The following EXT1 variants were observed in gnomAD, a reference collection of about 807,000 sequenced individuals.
EXT1 encodes the protein exostosin-1.
EXT1 carries 20 observed loss-of-function variants against 82.5 expected under a neutral mutation model. The observed-to-expected ratio is 0.24, with a 90% confidence interval of 0.17 to 0.35. The LOEUF is 0.35. EXT1 is among the 10% of genes least tolerant of loss of function. The pLI is 1.00. For missense variants in EXT1, 757 were observed against 936.5 expected (o/e 0.81, Z 2.50); for synonymous variants, 348 against 350.8 (o/e 0.99, Z 0.09).
chr8:118,083,606 G>A (rs1016036626), intron 1 of EXT1, among the ~76,000 whole-genome samples: 1 of 152,056 alleles, frequency 6.6e-6, no homozygotes, highest in South Asian at 2.1e-4. Context: ...CTCCTAAGAC[G>A]CCACACCCTT....
At chr8:117,843,284 C>T (rs544753762) in intron 1 of EXT1, among the ~76,000 whole-genome samples, 1 of 152,182 alleles carries the variant, frequency 6.6e-6, no homozygotes, top group Admixed American at 6.5e-5. Context: ...GCTCACTGTC[C>T]AGAATAAACA....
intron 1 of EXT1, among the ~76,000 whole-genome samples, chr8:117,873,781 G>C (rs1224160401): frequency 6.6e-6 from 1 of 152,112 alleles, no homozygotes; most frequent in East Asian, 1.9e-4. Context: ...GAGTTAAAGT[G>C]ACATCTAAAG....
chr8:117,996,644 G>A (rs1242398934), intron 1 of EXT1, among the ~76,000 whole-genome samples: 1 of 152,202 alleles, frequency 6.6e-6, no homozygotes, highest in East Asian at 1.9e-4. Context: ...AAATTTTGGA[G>A]TAATTTGTAA....
At chr8:117,938,511 T>G (rs2129666291) in intron 1 of EXT1, among the ~76,000 whole-genome samples, 1 of 152,252 alleles carries the variant, frequency 6.6e-6, no homozygotes, top group South Asian at 2.1e-4. Context: ...AAATTCAGTT[T>G]CTTAGTCAAA....
Position 117,797,433 on chromosome 8 carries a change from G to A in EXT1, c.*2279C>T, listed in dbSNP as rs558684550. The A allele has an allele frequency of 8.5e-5, 13 of 152,262 alleles. No homozygotes were observed. In the East Asian group the frequency reaches 2.1e-3, roughly 25 times the overall value. 9.4% of individuals were successfully genotyped at this position (152,262 alleles called of 1,614,324 possible). ...TGTGAGCTTGGTGACAGGTCAATCTGGCAAAGCAGGTCCTTGAATCCACTT... is the reference window on the plus strand; with the variant it reads ...TGTGAGCTTGGTGACAGGTCAATCTAGCAAAGCAGGTCCTTGAATCCACTT... On this transcript the variant is annotated 3_prime_UTR_variant, in exon 11 of 11. Coordinates refer to ENST00000378204, the MANE Select transcript of EXT1 (RefSeq NM_000127.3).
At position 118,009,954 on chromosome 8, in the gene EXT1, T is replaced by C. The variant is rs186597665; in HGVS notation, c.962+100131A>G. 8.1e-4 allele frequency among the ~76,000 whole-genome samples: 123 copies of C among 152,222 alleles called. 1 individual carries two copies. The highest frequency in any genetic ancestry group is 2.9e-3 in the African/African-American group (120 of 41,528). Reference sequence around the variant, plus strand: ...AGGAGGTCTTCAACTGCTGAGGGAATTGGGTTCTAAGAAGTGGCTAAGAGC... The same window carrying C: ...AGGAGGTCTTCAACTGCTGAGGGAACTGGGTTCTAAGAAGTGGCTAAGAGC... On this transcript the variant is annotated intron_variant, in intron 1 of 10. Coordinates refer to ENST00000378204, the MANE Select transcript of EXT1 (RefSeq NM_000127.3).
At chr8:118,002,929 A>C (rs193296766) in intron 1 of EXT1, among the ~76,000 whole-genome samples, 1 of 152,114 alleles carries the variant, frequency 6.6e-6, no homozygotes, top group African/African-American at 2.4e-5. Context: ...ATATTTGCAC[A>C]CACATTTATA....
At chr8:117,864,950 G>GT (rs879886077) in intron 1 of EXT1, among the ~76,000 whole-genome samples, 137 of 151,244 alleles carry the variant, frequency 9.1e-4, no homozygotes, top group South Asian at 1.7e-3. Context: ...AGTAGAAGCT[G>GT]TTTTTTTTTA....
intron 1 of EXT1, among the ~76,000 whole-genome samples, chr8:118,034,857 C>A (rs1247793674): frequency 2.6e-5 from 4 of 152,182 alleles, no homozygotes; most frequent in Non-Finnish European, 5.9e-5. Flanking sequence ...CCTACTTGTA[C>A]ACAGAGGGTT....
At chr8:117,806,425 CT>C (rs1823237411) in intron 9 of EXT1, among the ~76,000 whole-genome samples, 1 of 152,182 alleles carries the variant, frequency 6.6e-6, no homozygotes, top group Admixed American at 6.5e-5. Flanking sequence ...ATGTCACACC[CT>C]GTTCAAACCC....
chr8:117,890,678 G>A (rs889744737), intron 1 of EXT1, among the ~76,000 whole-genome samples: 14 of 152,208 alleles, frequency 9.2e-5, no homozygotes, highest in African/African-American at 3.1e-4. Context: ...TCCCAGGTTC[G>A]GGTCTCTTGA....
chr8:117,885,620 AT>A (rs1346250156), intron 1 of EXT1, among the ~76,000 whole-genome samples: 1 of 152,126 alleles, frequency 6.6e-6, no homozygotes, highest in African/African-American at 2.4e-5. Context: ...AGGGGAAACT[AT>A]TTCTTGGCTT....
intron 1 of EXT1, among the ~76,000 whole-genome samples, chr8:117,992,994 T>C (rs889603328): frequency 1.3e-5 from 2 of 152,236 alleles, no homozygotes; most frequent in African/African-American, 4.8e-5. Context: ...AAACTCTTCC[T>C]TCCAACCAGA....
chr8:117,854,956 T>C (rs1812516735), intron 1 of EXT1, among the ~76,000 whole-genome samples: 1 of 152,238 alleles, frequency 6.6e-6, no homozygotes, highest in Non-Finnish European at 1.5e-5. Flanking sequence ...CAATGAGCAC[T>C]GAAAAGATTT....
chr8:117,809,411 C>T (rs1337213889), intron 8 of EXT1, among the ~76,000 whole-genome samples: 5 of 150,942 alleles, frequency 3.3e-5, no homozygotes, highest in African/African-American at 4.9e-5. Context: ...CTGAGGTGGG[C>T]GGATCACTTG....
chr8:117,864,959 T>TAAA (rs201292379), intron 1 of EXT1, among the ~76,000 whole-genome samples: 1 of 151,560 alleles, frequency 6.6e-6, no homozygotes, highest in African/African-American at 2.4e-5. Flanking sequence ...TGTTTTTTTT[T>TAAA]AAAAAAATAG....
chr8:118,032,086 A>G (rs1816332251), intron 1 of EXT1, among the ~76,000 whole-genome samples: 1 of 146,102 alleles, frequency 6.8e-6, no homozygotes, highest in South Asian at 2.3e-4. Context: ...CCAAGTCGTT[A>G]AGGTTGGTGC....
At chr8:117,948,253 T>C (rs1814425314) in intron 1 of EXT1, among the ~76,000 whole-genome samples, 1 of 139,750 alleles carries the variant, frequency 7.2e-6, no homozygotes, top group Non-Finnish European at 1.5e-5. Flanking sequence ...GCACCAAGTT[T>C]GGTTGGAAGT....
chr8:117,884,483 G>A (rs1813114084), intron 1 of EXT1, among the ~76,000 whole-genome samples: 1 of 152,146 alleles, frequency 6.6e-6, no homozygotes, highest in African/African-American at 2.4e-5. Flanking sequence ...TAGAAGGTGG[G>A]CAGTCGGCTT....
Sources: gnomAD v4.1 joint callset for allele counts (sites outside exome capture counted in the v4.1 genomes callset) on GRCh38, gnomAD v4.1.1 for gene constraint, MANE v1.5 for transcripts, NCBI Gene and HGNC (gene_info 2026-07-23, HGNC 2026-07-21) for gene names.